Variants in ARRB1 observed in about 807,000 individuals in gnomAD.
The protein encoded by ARRB1 is beta-arrestin-1.
In ARRB1, 21 loss-of-function variants were observed where a neutral mutation model predicts 56.8. That is an observed-to-expected ratio of 0.37 (90% CI 0.26 to 0.53). The LOEUF (loss-of-function observed/expected upper bound fraction) is 0.53, where lower values mean the gene tolerates loss of function less well. Among genes scored for constraint, ARRB1 ranks in the 20% least tolerant of loss-of-function variants. The pLI, the probability that ARRB1 is intolerant of heterozygous loss-of-function variation, is 0.88. For missense variants in ARRB1, 424 were observed against 553.7 expected (o/e 0.77, Z 2.35); for synonymous variants, 210 against 218.6 (o/e 0.96, Z 0.35).
intron 1 of ARRB1, among the ~76,000 whole-genome samples, chr11:75,295,235 A>C (rs1946707743): frequency 6.6e-6 from 1 of 151,168 alleles, no homozygotes; most frequent in African/African-American, 2.4e-5. Context: ...AAAAAAAAAA[A>C]AAAAAAAAAA....
chr11:75,280,969 C>T (rs1359042032), intron 7 of ARRB1, 106 bp downstream of exon 7: 3 of 1,332,772 alleles, frequency 2.3e-6, no homozygotes, highest in Non-Finnish European at 3.1e-6. Flanking sequence ...ATGTGCGCCC[C>T]TCCTCACACA....
chr11:75,264,936 T>C lies in ARRB1; in HGVS notation c.*1227A>G, dbSNP rs1945876906. 6.6e-6 allele frequency: 1 copy of C among 152,382 alleles called. No homozygotes were observed. The highest frequency in any genetic ancestry group is 2.4e-5 in the African/African-American group (1 of 41,576). The allele number at this position is 152,382 out of a possible 1,614,324, so 9.4% of individuals were successfully genotyped here. Reference sequence around the variant, plus strand: ...AGGTCTCAATCAACCCAACACCAGCTAATGCGTACTGGGTACCCATGACAC... The same window carrying C: ...AGGTCTCAATCAACCCAACACCAGCCAATGCGTACTGGGTACCCATGACAC... On this transcript the variant is annotated 3_prime_UTR_variant, in exon 16 of 16. Transcript: ENST00000420843.
In ARRB1 at chr11:75,275,649, T is replaced by C. The variant is rs532834932; in HGVS notation, c.776+1190A>G. Among the ~76,000 whole-genome samples the C allele has an allele frequency of 6.6e-5, 10 of 152,356 alleles. No individual in the cohort carries two copies. The East Asian group carries it at 1.3e-3, about 21-fold the overall frequency. Reference sequence around the variant, plus strand: ...ATCCTTTCCAATGAGAGAGCTGTCATGCAGCAGATAGTGAACAAGCCTTGG... The same window carrying C: ...ATCCTTTCCAATGAGAGAGCTGTCACGCAGCAGATAGTGAACAAGCCTTGG... On this transcript the variant is annotated intron_variant, in intron 10 of 15. Coordinates refer to ENST00000420843, the MANE Select transcript of ARRB1 (RefSeq NM_004041.5).
chr11:75,280,558 TCTC>T (rs1946308980), intron 7 of ARRB1, among the ~76,000 whole-genome samples: 1 of 152,140 alleles, frequency 6.6e-6, no homozygotes, highest in Non-Finnish European at 1.5e-5. Flanking sequence ...GGGCTGTTCT[TCTC>T]CAGAGAACGC....
chr11:75,333,638 A>G (rs1293064332), intron 1 of ARRB1, among the ~76,000 whole-genome samples: 2 of 152,172 alleles, frequency 1.3e-5, no homozygotes, highest in African/African-American at 4.8e-5. Flanking sequence ...CCACAACCCT[A>G]TGGGGGTGAG....
intron 1 of ARRB1, among the ~76,000 whole-genome samples, chr11:75,309,443 G>T (rs377639202): frequency 2.8e-4 from 43 of 152,390 alleles, no homozygotes; most frequent in African/African-American, 9.4e-4. Context: ...GGTCAGGCAG[G>T]CCTGTAGCCT....
chr11:75,285,581 A>T (rs1478183734), intron 3 of ARRB1, among the ~76,000 whole-genome samples: 1 of 152,094 alleles, frequency 6.6e-6, no homozygotes, highest in Non-Finnish European at 1.5e-5. Context: ...GGGAACCGGT[A>T]AGCATAGGGA....
At chr11:75,282,898 T>C (rs1022472001) in intron 5 of ARRB1, among the ~76,000 whole-genome samples, 2 of 152,210 alleles carry the variant, frequency 1.3e-5, no homozygotes, top group African/African-American at 4.8e-5. Flanking sequence ...GGCAGACAGA[T>C]CACCTACTTG....
intron 1 of ARRB1, among the ~76,000 whole-genome samples, chr11:75,338,727 G>A (rs1034585130): frequency 3.3e-5 from 5 of 152,142 alleles, no homozygotes; most frequent in Admixed American, 6.5e-5. Flanking sequence ...AGGGAGAAAC[G>A]ACAACGCATA....
intron 1 of ARRB1, among the ~76,000 whole-genome samples, chr11:75,327,438 A>T (rs991478032): frequency 1.3e-5 from 2 of 151,836 alleles, no homozygotes; most frequent in African/African-American, 4.8e-5. Flanking sequence ...AAGTGCTGGG[A>T]TTACAGGTGC....
chr11:75,347,265 C>T (rs12577286), intron 1 of ARRB1, among the ~76,000 whole-genome samples: 2 of 152,330 alleles, frequency 1.3e-5, no homozygotes, highest in East Asian at 1.9e-4. Context: ...CCACTCCCAG[C>T]GGCCCCATGA....
chr11:75,293,762 A>T (rs1164299047), intron 1 of ARRB1, among the ~76,000 whole-genome samples: 1 of 152,162 alleles, frequency 6.6e-6, no homozygotes, highest in Non-Finnish European at 1.5e-5. Flanking sequence ...TGTTATAAGA[A>T]GGCAAAATTC....
In ARRB1 at chr11:75,267,829, A is replaced by T. The variant is rs181082426; in HGVS notation, c.1094-126T>A. On this transcript the variant is annotated intron_variant, in intron 14 of 15. Transcript: ENST00000420843. The stretch of plus-strand genomic sequence containing the variant: ...TGAGAAGGGCAAAGGATAAAGGGGA[A>T]TGGAGATGGGGGAGGACTCATTCCT... The T allele has an allele frequency of 2.1e-5, 16 of 776,508 alleles. No individual in the cohort carries two copies. In the African/African-American group the frequency reaches 2.2e-4, roughly 11 times the overall value. 48.1% of individuals were successfully genotyped at this position (776,508 alleles called of 1,614,324 possible). A position where few individuals can be genotyped will look rare whatever the true frequency, so the allele number is the denominator to read the frequency against.
intron 1 of ARRB1, among the ~76,000 whole-genome samples, chr11:75,318,926 A>G (rs1475804295): frequency 6.6e-6 from 1 of 152,178 alleles, no homozygotes; most frequent in Non-Finnish European, 1.5e-5. Flanking sequence ...AGAGGAGCAC[A>G]TGGGAGTAGG....
intron 1 of ARRB1, chr11:75,335,026 T>C (rs544506033): frequency 5.9e-6 from 1 of 170,528 alleles, no homozygotes; most frequent in African/African-American, 2.4e-5. Flanking sequence ...ATGGACACAT[T>C]GCTAGGCCTT....
intron 6 of ARRB1, 50 bp from the exon 7 acceptor site, chr11:75,281,192 C>G (rs766885179): frequency 1.3e-5 from 20 of 1,523,222 alleles, no homozygotes; most frequent in Non-Finnish European, 1.8e-5. Flanking sequence ...GCAGGGTCCC[C>G]AGTACACAGC....
chr11:75,267,244 G>T (rs1262455062), intron 15 of ARRB1, among the ~76,000 whole-genome samples: 2 of 152,188 alleles, frequency 1.3e-5, no homozygotes, highest in Admixed American at 1.3e-4. Context: ...ACATCGGTTG[G>T]TCCTCAGGAG....
intron 1 of ARRB1, among the ~76,000 whole-genome samples, chr11:75,350,171 GGA>G (rs1420369696): frequency 1.3e-5 from 2 of 152,224 alleles, no homozygotes; most frequent in African/African-American, 2.4e-5. Context: ...CTCACACTGT[GGA>G]GAGAGAGTCT....
At chr11:75,289,977 G>C in intron 2 of ARRB1, 32 bp downstream of exon 2, 3 of 1,614,100 alleles carry the variant, frequency 1.9e-6, no homozygotes, top group Non-Finnish European at 2.5e-6. Context: ...GTGAGGTCAG[G>C]GAGGCGCTGG....
Sources: allele counts gnomAD v4.1 joint callset (sites outside exome capture counted in the v4.1 genomes callset), GRCh38; gene constraint gnomAD v4.1.1; transcripts MANE v1.5; gene names NCBI Gene and HGNC (gene_info 2026-07-23, HGNC 2026-07-21).